The following EVA1A variants were observed in gnomAD, a reference collection of about 807,000 sequenced individuals.
EVA1A encodes protein eva-1 homolog A.
Under a neutral mutation model 9.8 loss-of-function variants are expected in EVA1A, and 7 were observed. The ratio of observed to expected loss-of-function variants is 0.71; its 90% confidence interval spans 0.41 to 1.34. The LOEUF (loss-of-function observed/expected upper bound fraction) is 1.34. EVA1A is among the 40% of genes most tolerant of loss of function. The pLI is 0.01. For missense variants in EVA1A, 206 were observed against 205.9 expected, an observed-to-expected ratio of 1.00 and a Z score of 0.00; for synonymous variants, 90 against 85.6, an observed-to-expected ratio of 1.05 and a Z score of -0.28.
In EVA1A at chr2:75,560,869, TGG is replaced by T; in HGVS notation, c.-383_-382del. On this transcript the variant is annotated 5_prime_UTR_variant, in exon 1 of 4. Coordinates refer to ENST00000393913, the MANE Select transcript of EVA1A (RefSeq NM_001135032.2). ...CGGGGTCAGGGCTGGCCTGGGGATG[TGG>T]GGTCCCGGCCTGGGTGCTCACGGAC... 1 of 152,904 alleles carries T rather than the reference TGG, an allele frequency of 6.5e-6. No individual in the cohort carries two copies. The highest frequency in any genetic ancestry group is 2.4e-5 in the African/African-American group (1 of 41,454). 9.5% of individuals were successfully genotyped at this position (152,904 alleles called of 1,614,324 possible). A position where few individuals can be genotyped will look rare whatever the true frequency, so the allele number is the denominator to read the frequency against.
At chr2:75,507,697 C>T (rs534906504) in intron 3 of EVA1A, among the ~76,000 whole-genome samples, 109 of 152,254 alleles carry the variant, frequency 7.2e-4, no homozygotes, top group African/African-American at 2.6e-3. Context: ...TCCAGACAGC[C>T]CAAAACGGCC....
intron 3 of EVA1A, among the ~76,000 whole-genome samples, chr2:75,498,691 G>A (rs925763904): frequency 6.6e-6 from 1 of 152,142 alleles, no homozygotes; most frequent in African/African-American, 2.4e-5. Flanking sequence ...CCATTAGATT[G>A]AGATGCTGTT....
chr2:75,498,331 G>T (rs763737120), intron 3 of EVA1A, among the ~76,000 whole-genome samples: 1 of 151,858 alleles, frequency 6.6e-6, no homozygotes, highest in African/African-American at 2.4e-5. Flanking sequence ...GACTATTAGA[G>T]GGGGAGGGTG....
At chr2:75,542,583 A>G (rs980584099) in intron 1 of EVA1A, 3 of 152,280 alleles carry the variant, frequency 2.0e-5, no homozygotes, top group Non-Finnish European at 4.4e-5. Context: ...TTCAAAGTTC[A>G]TGTCACATCA....
chr2:75,511,854 G>C (rs1442350943), intron 3 of EVA1A, among the ~76,000 whole-genome samples: 1 of 152,116 alleles, frequency 6.6e-6, no homozygotes, highest in East Asian at 1.9e-4. Flanking sequence ...TCCAGCAGGG[G>C]AGATGATACT....
chr2:75,499,964 T>C (rs1160855031), intron 3 of EVA1A, among the ~76,000 whole-genome samples: 1 of 152,220 alleles, frequency 6.6e-6, no homozygotes, highest in Admixed American at 6.5e-5. Flanking sequence ...ATTTTCTTTG[T>C]TCTTTCCTAT....
At chr2:75,550,775 C>T (rs1384902497) in intron 1 of EVA1A, among the ~76,000 whole-genome samples, 1 of 152,154 alleles carries the variant, frequency 6.6e-6, no homozygotes, top group Non-Finnish European at 1.5e-5. Flanking sequence ...AAAAGAGAAG[C>T]AAACATGGAG....
chr2:75,538,047 C>T (rs1337579860), intron 1 of EVA1A, among the ~76,000 whole-genome samples: 1 of 152,208 alleles, frequency 6.6e-6, no homozygotes, highest in Admixed American at 6.5e-5. Flanking sequence ...CCCAGCACTT[C>T]GGGAGACTGA....
intron 2 of EVA1A, among the ~76,000 whole-genome samples, chr2:75,521,974 A>G (rs1675248110): frequency 6.6e-6 from 1 of 152,174 alleles, no homozygotes; most frequent in Admixed American, 6.5e-5. Context: ...AGCGGTATTA[A>G]ATTTGAAGTC....
intron 3 of EVA1A, among the ~76,000 whole-genome samples, chr2:75,508,697 C>A (rs1289670886): frequency 2.0e-5 from 3 of 152,076 alleles, no homozygotes; most frequent in Non-Finnish European, 4.4e-5. Flanking sequence ...CACACTCCCT[C>A]CCCTTTTAAA....
At chr2:75,549,010 T>TA (rs1558691261) in intron 1 of EVA1A, among the ~76,000 whole-genome samples, 1,224 of 56,782 alleles carry the variant, frequency 0.022, 7 homozygotes, top group Admixed American at 0.026. Context: ...ATATATATAT[T>TA]TTTTTTTTTT....
intron 1 of EVA1A, among the ~76,000 whole-genome samples, chr2:75,560,446 G>A (rs965111554): frequency 1.3e-5 from 2 of 152,214 alleles, no homozygotes; most frequent in East Asian, 1.9e-4. Context: ...GGGGGGGCGA[G>A]AGAAGAAACA....
At chr2:75,557,395 G>A (rs1157667720) in intron 1 of EVA1A, among the ~76,000 whole-genome samples, 1 of 152,188 alleles carries the variant, frequency 6.6e-6, no homozygotes, top group Non-Finnish European at 1.5e-5. Flanking sequence ...CACCCCATAT[G>A]GGTCATTAAA....
chr2:75,569,341 A>G (rs1677082570), intron 1 of EVA1A: 1 of 152,534 alleles, frequency 6.6e-6, no homozygotes, highest in African/African-American at 2.4e-5. Context: ...AACTGCCCTC[A>G]TTAAAGTCCC....
chr2:75,565,989 TTCTC>T (rs1380407326), intron 1 of EVA1A, among the ~76,000 whole-genome samples: 3 of 152,280 alleles, frequency 2.0e-5, no homozygotes, highest in East Asian at 1.9e-4. Context: ...CTCTCTCTCT[TTCTC>T]TCTCTATCTC....
In EVA1A at chr2:75,492,348, T is replaced by A. The variant is rs1674060854; in HGVS notation, c.*888A>T. ...TTTATGTAATGTTTATTTTTTTAATTCCCATCCTAACTTTGGCTTTAATCC... is the reference window on the plus strand; with the variant it reads ...TTTATGTAATGTTTATTTTTTTAATACCCATCCTAACTTTGGCTTTAATCC... On this transcript the variant is annotated 3_prime_UTR_variant, in exon 4 of 4. Coordinates refer to ENST00000393913, the MANE Select transcript of EVA1A (RefSeq NM_001135032.2). The A allele has an allele frequency of 6.6e-6, 1 of 150,460 alleles. No individual in the cohort carries two copies. Among genetic ancestry groups the A allele is most frequent in the Non-Finnish European group, 1.5e-5 (1 of 67,846 alleles). The allele number at this position is 150,460 out of a possible 1,614,324, so 9.3% of individuals were successfully genotyped here. A position where few individuals can be genotyped will look rare whatever the true frequency, so the allele number is the denominator to read the frequency against.
chr2:75,514,792 T>C (rs1674946535), intron 3 of EVA1A, among the ~76,000 whole-genome samples: 2 of 152,216 alleles, frequency 1.3e-5, no homozygotes, highest in Admixed American at 1.3e-4. Flanking sequence ...TTTCTGCCTA[T>C]ATCCCTAATT....
intron 3 of EVA1A, among the ~76,000 whole-genome samples, chr2:75,494,928 T>C (rs1674154632): frequency 6.6e-6 from 1 of 152,146 alleles, no homozygotes; most frequent in Non-Finnish European, 1.5e-5. Context: ...TAATGATCAG[T>C]ATGCTTAGGG....
intron 1 of EVA1A, among the ~76,000 whole-genome samples, chr2:75,545,221 C>G (rs986593628): frequency 6.6e-6 from 1 of 152,088 alleles, no homozygotes; most frequent in Non-Finnish European, 1.5e-5. Flanking sequence ...AGAAACAGAT[C>G]TTTTTGGTTA....
Sources: allele counts gnomAD v4.1 joint callset (sites outside exome capture counted in the v4.1 genomes callset), GRCh38; gene constraint gnomAD v4.1.1; transcripts MANE v1.5; gene names NCBI Gene and HGNC (gene_info 2026-07-23, HGNC 2026-07-21).